Variants in SLCO5A1 observed in about 807,000 individuals in gnomAD.
SLCO5A1 encodes the protein organic anion transporter polypeptide-related protein 4.
Under a neutral mutation model 65.1 loss-of-function variants are expected in SLCO5A1, and 39 were observed. The ratio of observed to expected loss-of-function variants is 0.60; its 90% CI spans 0.46 to 0.78. The LOEUF is 0.78. SLCO5A1 is among the 30% of genes least tolerant of loss of function. The pLI, the probability that SLCO5A1 is intolerant of heterozygous loss-of-function variation, is 0.00. For missense variants in SLCO5A1, 1,029 were observed against 1,069.4 expected (o/e 0.96, Z 0.53); for synonymous variants, 438 against 415.7 (o/e 1.05, Z -0.65).
chr8:69,755,924 T>C (rs1817521702), intron 3 of SLCO5A1, among the ~76,000 whole-genome samples: 1 of 152,228 alleles, frequency 6.6e-6, no homozygotes, highest in Admixed American at 6.5e-5. Context: ...AATGAGTTAG[T>C]TCTGCTAGCA....
intron 2 of SLCO5A1, among the ~76,000 whole-genome samples, chr8:69,803,916 TG>T (rs767181773): frequency 6.6e-6 from 1 of 152,186 alleles, no homozygotes; most frequent in Non-Finnish European, 1.5e-5. Context: ...CACTGCAGCC[TG>T]GGTGACAGAG....
chr8:69,830,052 G>A (rs1821094610), intron 2 of SLCO5A1, among the ~76,000 whole-genome samples: 1 of 152,152 alleles, frequency 6.6e-6, no homozygotes, highest in Non-Finnish European at 1.5e-5. Context: ...AAACAGAGAG[G>A]CAAGATGGTA....
At chr8:69,739,283 C>A (rs1312566187) in intron 4 of SLCO5A1, among the ~76,000 whole-genome samples, 1 of 152,010 alleles carries the variant, frequency 6.6e-6, no homozygotes, top group African/African-American at 2.4e-5. Context: ...AACGTCATAT[C>A]CAAAATTTAG....
At chr8:69,818,418 A>G (rs1820491437) in intron 2 of SLCO5A1, among the ~76,000 whole-genome samples, 1 of 152,264 alleles carries the variant, frequency 6.6e-6, no homozygotes, top group Non-Finnish European at 1.5e-5. Context: ...AGCCAGGTTT[A>G]TAGAAACAGA....
chr8:69,709,610 G>A (rs1384728047), intron 5 of SLCO5A1, among the ~76,000 whole-genome samples: 2 of 152,160 alleles, frequency 1.3e-5, no homozygotes, highest in African/African-American at 2.4e-5. Context: ...TTGCATTCTG[G>A]CATATTTCAT....
chr8:69,722,354 C>T (rs1022823973), intron 5 of SLCO5A1, among the ~76,000 whole-genome samples: 2 of 152,062 alleles, frequency 1.3e-5, no homozygotes, highest in Non-Finnish European at 2.9e-5. Context: ...GCTCTATAAA[C>T]AGGTATTATC....
chr8:69,825,126 C>A (rs1243993322), intron 2 of SLCO5A1, among the ~76,000 whole-genome samples: 1 of 152,146 alleles, frequency 6.6e-6, no homozygotes, highest in Non-Finnish European at 1.5e-5. Context: ...TGGGATGTAT[C>A]TCAAAATAAT....
chr8:69,679,502 C>A lies in SLCO5A1; in HGVS notation c.1900G>T (p.Gly634Cys). ...VIVKTYLNEN[G>C]YAVSGKCKRT... ...TTACATTTCCCAGACACAGCATAGCCGTTCTCATTGAGATAAGTCTTGACA... is the reference window on the plus strand; with the variant it reads ...TTACATTTCCCAGACACAGCATAGCAGTTCTCATTGAGATAAGTCTTGACA... Residue 634 changes from glycine to cysteine, a missense_variant, in exon 8 of 10, where the codon GGC becomes TGC. Gly to Cys is a radical substitution (Grantham distance 159). This residue lies in a region of SLCO5A1 where 124 missense variants were observed against 184.5 expected (regional missense o/e 0.67). Coordinates refer to ENST00000260126, the MANE Select transcript of SLCO5A1 (RefSeq NM_030958.3). 1 of 1,614,186 alleles carries A rather than the reference C, an allele frequency of 6.2e-7. No individual in the cohort carries two copies. Among genetic ancestry groups the A allele is most frequent in the Non-Finnish European group, 8.5e-7 (1 of 1,180,044 alleles).
chr8:69,744,907 T>C (rs1310118832), intron 4 of SLCO5A1, among the ~76,000 whole-genome samples: 4 of 152,216 alleles, frequency 2.6e-5, no homozygotes, highest in Non-Finnish European at 5.9e-5. Context: ...AGTATGGTTC[T>C]TTAATGCTAA....
intron 8 of SLCO5A1, 149 bp downstream of exon 8, chr8:69,679,229 A>T: frequency 9.1e-7 from 1 of 1,094,052 alleles, no homozygotes; most frequent in Non-Finnish European, 1.3e-6. Context: ...AATCCCTCCT[A>T]AGTTCACCAG....
At chr8:69,766,308 A>G (rs141069223) in intron 2 of SLCO5A1, among the ~76,000 whole-genome samples, 1 of 152,022 alleles carries the variant, frequency 6.6e-6, no homozygotes, top group African/African-American at 2.4e-5. Context: ...GTGCCTTCCC[A>G]TCCCACTCAC....
At chr8:69,826,093 C>T (rs896339913) in intron 2 of SLCO5A1, among the ~76,000 whole-genome samples, 1 of 152,196 alleles carries the variant, frequency 6.6e-6, no homozygotes, top group East Asian at 1.9e-4. Context: ...AAAGCTGAAA[C>T]TGGATCCCTT....
intron 2 of SLCO5A1, among the ~76,000 whole-genome samples, chr8:69,825,815 T>C (rs1385474091): frequency 6.6e-6 from 1 of 152,172 alleles, no homozygotes; most frequent in African/African-American, 2.4e-5. Context: ...AGAGCCCACA[T>C]TGCCAAGTCA....
At chr8:69,784,298 C>T (rs1818918488) in intron 2 of SLCO5A1, among the ~76,000 whole-genome samples, 1 of 152,148 alleles carries the variant, frequency 6.6e-6, no homozygotes, top group South Asian at 2.1e-4. Flanking sequence ...TGCAAAAATA[C>T]TTAACACCAT....
intron 2 of SLCO5A1, among the ~76,000 whole-genome samples, chr8:69,829,829 T>C (rs1821083621): frequency 6.6e-6 from 1 of 152,232 alleles, no homozygotes; most frequent in Admixed American, 6.5e-5. Flanking sequence ...TTTTAGAAGA[T>C]GCTCTGGCAG....
intron 2 of SLCO5A1, among the ~76,000 whole-genome samples, chr8:69,806,453 C>T (rs552628848): frequency 6.6e-6 from 1 of 152,338 alleles, no homozygotes; most frequent in Non-Finnish European, 1.5e-5. Context: ...TGTATATCAT[C>T]TTTGCTGAAT....
chr8:69,804,256 T>C (rs1352007029), intron 2 of SLCO5A1, among the ~76,000 whole-genome samples: 1 of 152,174 alleles, frequency 6.6e-6, no homozygotes, highest in Non-Finnish European at 1.5e-5. Flanking sequence ...AAATCTAAAA[T>C]CTATACCTTA....
At chr8:69,712,637 T>C (rs910892471) in intron 5 of SLCO5A1, among the ~76,000 whole-genome samples, 4 of 152,196 alleles carry the variant, frequency 2.6e-5, no homozygotes, top group African/African-American at 9.6e-5. Flanking sequence ...GCTTTTATGG[T>C]ACCCAGCGCT....
intron 2 of SLCO5A1, among the ~76,000 whole-genome samples, chr8:69,767,193 A>G (rs1818095754): frequency 1.3e-5 from 2 of 152,148 alleles, no homozygotes; most frequent in South Asian, 4.1e-4. Context: ...CCTGCACCCC[A>G]TTGGATTATC....
Sources: gnomAD v4.1 joint callset for allele counts (sites outside exome capture counted in the v4.1 genomes callset) on GRCh38, gnomAD v4.1.1 for gene constraint, gnomAD v4.1.1 regional missense constraint, MANE v1.5 for transcripts, NCBI Gene and HGNC (gene_info 2026-07-23, HGNC 2026-07-21) for gene names.